ALPI: variants seen among roughly 807,000 people sequenced by gnomAD.
ALPI encodes intestinal-type alkaline phosphatase.
Under a neutral mutation model 51.5 loss-of-function variants are expected in ALPI, and 50 were observed. That is an observed-to-expected ratio of 0.97 (90% confidence interval 0.77 to 1.23). ALPI has a LOEUF of 1.23. Ranked by LOEUF, ALPI falls within the 50% of genes most tolerant of loss-of-function variation. ALPI has a pLI of 0.00. For missense variants in ALPI, 692 were observed against 722.4 expected (o/e 0.96, Z 0.48); for synonymous variants, 322 against 308.2 (o/e 1.04, Z -0.47).
Position 232,458,859 on chromosome 2 carries a change from G to A in ALPI, c.1301-1G>A. 6.2e-7 allele frequency: 1 copy of A among 1,610,104 alleles called. No individual in the cohort carries two copies. Among genetic ancestry groups the A allele is most frequent in the Non-Finnish European group, 8.5e-7 (1 of 1,178,660 alleles). Reference sequence around the variant, plus strand: ...CTGAAGTGCACTCACCCTCCTACCAGGGAGCCCCGATTACCAGCAGCAGGC... The same window carrying A: ...CTGAAGTGCACTCACCCTCCTACCAAGGAGCCCCGATTACCAGCAGCAGGC... On this transcript the variant is annotated splice_acceptor_variant, in intron 10 of 10. Coordinates refer to ENST00000295463, the MANE Select transcript of ALPI (RefSeq NM_001631.5). LOFTEE classifies it high-confidence loss of function.
In ALPI at chr2:232,459,073, C is replaced by T. The variant is rs1487950166; in HGVS notation, c.1514C>T (p.Ala505Val). ...LAPPACTTDAAHPVAASLPLL... is the reference protein window; with the variant it reads ...LAPPACTTDAVHPVAASLPLL... ...CCTCCCGCCTGCACCACCGACGCCG[C>T]GCACCCAGTTGCCGCGTCGCTGCCA... Residue 505 changes from alanine to valine, a missense_variant, in exon 11 of 11, where the codon GCG becomes GTG. Ala to Val is a moderately conservative substitution (Grantham distance 64). Coordinates refer to ENST00000295463, the MANE Select transcript of ALPI (RefSeq NM_001631.5). 9.7e-6 allele frequency: 15 copies of T among 1,545,702 alleles called. No homozygotes were observed. Among genetic ancestry groups the T allele is most frequent in the South Asian group, 4.8e-5 (4 of 84,078 alleles).
In ALPI at chr2:232,460,657, A is replaced by G. The variant is rs1039623997; in HGVS notation, c.*1511A>G. 2.0e-5 allele frequency among the ~76,000 whole-genome samples: 3 copies of G among 152,258 alleles called. No homozygotes were observed. Among genetic ancestry groups the G allele is most frequent in the African/African-American group, 4.8e-5 (2 of 41,472 alleles). On this transcript the variant is annotated 3_prime_UTR_variant, in exon 11 of 11. Coordinates refer to ENST00000295463, the MANE Select transcript of ALPI (RefSeq NM_001631.5). Reference sequence around the variant, plus strand: ...TTATTTGTACATTTACAAAGGTGCAAAAAAGCATCTTGCTTTTGCAAGAAA... The same window carrying G: ...TTATTTGTACATTTACAAAGGTGCAGAAAAGCATCTTGCTTTTGCAAGAAA...
At position 232,457,710 on chromosome 2, in the gene ALPI, C is replaced by T. The variant is rs1411322235; in HGVS notation, c.783+11C>T. Reference sequence around the variant, plus strand: ...CTGGCAAAGCACCAGGTGATGGGGGCTGGTGGGTGTGGGAGGCACGGCAGG... The same window carrying T: ...CTGGCAAAGCACCAGGTGATGGGGGTTGGTGGGTGTGGGAGGCACGGCAGG... On this transcript the variant is annotated intron_variant, in intron 6 of 10. Coordinates refer to ENST00000295463, the MANE Select transcript of ALPI (RefSeq NM_001631.5). The surrounding 1 kb of genome is among the most constrained non-coding windows in gnomAD (Gnocchi z 4.7). 4 of 1,610,936 alleles carry T rather than the reference C, an allele frequency of 2.5e-6. No individual in the cohort carries two copies. The highest frequency in any genetic ancestry group is 3.4e-6 in the Non-Finnish European group (4 of 1,177,922).
At chr2:232,458,569 C>A in intron 9 of ALPI, 63 bp from the exon 10 acceptor site, 1 of 1,562,140 alleles carries the variant, frequency 6.4e-7, no homozygotes, top group Non-Finnish European at 8.8e-7. Flanking sequence ...CGGTGCCTGG[C>A]ACATAGGAGG....
In ALPI at chr2:232,457,264, C is replaced by A; in HGVS notation, c.590C>A (p.Ala197Asp). ...TCAGATGCTGACATGCCTGCCTCAG[C>A]CCGCCAGGAGGGGTGCCAGGACATC... ...WYSDADMPAS[A>D]RQEGCQDIAT... The change falls in exon 5 of 11, where the codon GCC becomes GAC. Residue 197 changes from alanine to aspartate, a missense_variant. Physicochemically the swap from Ala to Asp is moderately radical, Grantham distance 126. Transcript: ENST00000295463. The surrounding 1 kb of genome is among the most constrained non-coding windows in gnomAD (Gnocchi z 4.7). The A allele has an allele frequency of 6.2e-7, 1 of 1,613,390 alleles. No individual in the cohort carries two copies. The highest frequency in any genetic ancestry group is 8.5e-7 in the Non-Finnish European group (1 of 1,179,978).
At position 232,459,970 on chromosome 2, in the gene ALPI, C is replaced by T. The variant is rs1258994357; in HGVS notation, c.*824C>T. On this transcript the variant is annotated 3_prime_UTR_variant, in exon 11 of 11. Coordinates refer to ENST00000295463, the MANE Select transcript of ALPI (RefSeq NM_001631.5). ...TTTCTCAACAAGGAAGACTCCCCTGCCTCCTCAAGGTCTCCATTCTCCTAG... is the reference window on the plus strand; with the variant it reads ...TTTCTCAACAAGGAAGACTCCCCTGTCTCCTCAAGGTCTCCATTCTCCTAG... 1 of 152,270 alleles carries T rather than the reference C, an allele frequency of 6.6e-6. No homozygotes were observed. The highest frequency in any genetic ancestry group is 1.9e-4 in the East Asian group (1 of 5,198). 9.4% of individuals were successfully genotyped at this position (152,270 alleles called of 1,614,324 possible). A position where few individuals can be genotyped will look rare whatever the true frequency, so the allele number is the denominator to read the frequency against.
rs771126600 is a variant in ALPI at position 232,457,231 on chromosome 2, A to G, written c.557A>G (p.Asn186Ser). 9.3e-6 allele frequency: 15 copies of G among 1,613,366 alleles called. No individual in the cohort carries two copies. Among genetic ancestry groups the G allele is most frequent in the South Asian group, 4.4e-5 (4 of 91,080 alleles). ...ACCTACGCACACACAGTGAACCGCA[A>G]CTGGTACTCAGATGCTGACATGCCT... The part of the protein sequence containing the change: ...AGTYAHTVNR[N>S]WYSDADMPAS... Residue 186 changes from asparagine to serine, a missense_variant, in exon 5 of 11, where the codon AAC becomes AGC. By Grantham distance (46) the Asn-to-Ser change is conservative. Transcript: ENST00000295463. This position sits in a 1 kb window ranked among gnomAD's most constrained non-coding sequence, Gnocchi z 4.7.
Position 232,458,228 on chromosome 2 carries a change from G to T in ALPI, c.1003G>T (p.Asp335Tyr), listed in dbSNP as rs754753041. ...TGGCCTTCCTGCAGGCGGCCGCATC[G>T]ACCATGGTCATCATGAGGGTGTGGC... ...FYLFVEGGRI[D>Y]HGHHEGVAYQ... Residue 335 changes from aspartate (D) to tyrosine (Y), a missense_variant, in exon 9 of 11, where the codon GAC (aspartate) becomes TAC (tyrosine). Transcript: ENST00000295463. 7 of 1,614,110 alleles carry T rather than the reference G, an allele frequency of 4.3e-6. No individual in the cohort carries two copies. Among genetic ancestry groups the T allele is most frequent in the Non-Finnish European group, 5.9e-6 (7 of 1,180,018 alleles).
chr2:232,458,323 G>A lies in ALPI; in HGVS notation c.1098G>A (p.Glu366=), dbSNP rs1208168132. ...AGAGGGCGGGCCAGCTCACCAGCGAGGAGGACACGCTGACCCTCGTCACCG... is the reference window on the plus strand; with the variant it reads ...AGAGGGCGGGCCAGCTCACCAGCGAAGAGGACACGCTGACCCTCGTCACCG... ...AIERAGQLTS[E]EDTLTLVTAD... The change falls in exon 9 of 11, where the codon GAG becomes GAA. Residue 366 remains glutamate (E), a synonymous_variant. Transcript: ENST00000295463. 2 of 1,614,052 alleles carry A rather than the reference G, an allele frequency of 1.2e-6. No individual in the cohort carries two copies. The highest frequency in any genetic ancestry group is 2.7e-5 in the African/African-American group (2 of 74,924).
Position 232,458,940 on chromosome 2 carries a change from C to G in ALPI, c.1381C>G (p.Arg461Gly). ...HGGEDVAVFARGPQAHLVHGV... is the reference protein window; with the variant it reads ...HGGEDVAVFAGGPQAHLVHGV... ...AGGCGAAGACGTGGCGGTGTTTGCGCGCGGCCCGCAGGCGCACCTGGTGCA... is the reference window on the plus strand; with the variant it reads ...AGGCGAAGACGTGGCGGTGTTTGCGGGCGGCCCGCAGGCGCACCTGGTGCA... Residue 461 changes from arginine (R) to glycine (G), a missense_variant, in exon 11 of 11, where the codon CGC becomes GGC. By Grantham distance (125) the Arg-to-Gly change is moderately radical. Transcript: ENST00000295463. 6.2e-7 allele frequency: 1 copy of G among 1,605,090 alleles called. No homozygotes were observed. The highest frequency in any genetic ancestry group is 8.5e-7 in the Non-Finnish European group (1 of 1,176,496).
intron 8 of ALPI, 31 bp from the exon 9 acceptor site, chr2:232,458,186 C>T: frequency 4.3e-6 from 7 of 1,613,634 alleles, no homozygotes; most frequent in Non-Finnish European, 5.1e-6. Flanking sequence ...AGGGCAGGTT[C>T]AAGCATCACC....
Position 232,458,750 on chromosome 2 carries a change from T to C in ALPI, c.1300+2T>C, listed in dbSNP as rs368618571. 6 of 1,613,486 alleles carry C rather than the reference T, an allele frequency of 3.7e-6. No individual in the cohort carries two copies. Among genetic ancestry groups the C allele is most frequent in the Admixed American group, 3.3e-5 (2 of 60,010 alleles). ...CAGACGTGAATGAGAGCGAGAGCGGTGAGTGAGGCTGAATGGCCCGTGCAG... is the reference window on the plus strand; with the variant it reads ...CAGACGTGAATGAGAGCGAGAGCGGCGAGTGAGGCTGAATGGCCCGTGCAG... On this transcript the variant is annotated splice_donor_variant, in intron 10 of 10. Coordinates refer to ENST00000295463, the MANE Select transcript of ALPI (RefSeq NM_001631.5). LOFTEE classifies it high-confidence loss of function.
rs558432609 is a variant in ALPI at position 232,457,403 on chromosome 2, T to C, written c.648+81T>C. 119 of 1,556,038 alleles carry C rather than the reference T, an allele frequency of 7.6e-5. 1 individual carries two copies. In the South Asian group the frequency reaches 1.3e-3, roughly 17 times the overall value. ...CAGATCCAGGCAACCAAAAGCCTGA[T>C]CTGGGTCAGCAGGTTCTGGAGGTGG... On this transcript the variant is annotated intron_variant, in intron 5 of 10. Coordinates refer to ENST00000295463, the MANE Select transcript of ALPI (RefSeq NM_001631.5). The surrounding 1 kb of genome is among the most constrained non-coding windows in gnomAD (Gnocchi z 4.7).
Position 232,457,569 on chromosome 2 carries a change from T to A in ALPI, c.653T>A (p.Ile218Asn), listed in dbSNP as rs1690220367. 1 of 1,609,100 alleles carries A rather than the reference T, an allele frequency of 6.2e-7. No individual in the cohort carries two copies. Among genetic ancestry groups the A allele is most frequent in the Non-Finnish European group, 8.5e-7 (1 of 1,177,404 alleles). ...QLISNMDIDVILGGGRKYMFP... is the reference protein window; with the variant it reads ...QLISNMDIDVNLGGGRKYMFP... ...TGCCCCATCCATTGTCCTCAGGTGA[T>A]CCTTGGCGGAGGCCGCAAGTACATG... is the stretch of plus-strand genomic sequence containing the variant. The change falls in exon 6 of 11, where the codon ATC becomes AAC. Residue 218 changes from isoleucine (I) to asparagine (N), a missense_variant. Coordinates refer to ENST00000295463, the MANE Select transcript of ALPI (RefSeq NM_001631.5). The surrounding 1 kb of genome is among the most constrained non-coding windows in gnomAD (Gnocchi z 4.7).
Position 232,458,632 on chromosome 2 carries a change from G to A in ALPI, c.1184G>A (p.Gly395Glu), listed in dbSNP as rs146127892. 1.9e-5 allele frequency: 30 copies of A among 1,613,688 alleles called. No individual in the cohort carries two copies. In the African/African-American group the frequency reaches 3.2e-4, roughly 17 times the overall value. The change falls in exon 10 of 11, where the codon GGG (glycine) becomes GAG (glutamate). Residue 395 changes from glycine (G) to glutamate (E), a missense_variant and splice_region_variant. By Grantham distance (98) the Gly-to-Glu change is moderately conservative. Coordinates refer to ENST00000295463, the MANE Select transcript of ALPI (RefSeq NM_001631.5). ...TACAGGGACCCGCATCTCCCTACAG[G>A]GTTGGCCCCCAGCAAGGCTCAGGAC... ...GYTLRGSSIF[G>E]LAPSKAQDSK...
Position 232,456,936 on chromosome 2 carries a change from C to T in ALPI, c.338C>T (p.Ala113Val). Residue 113 changes from alanine (A) to valine (V), a missense_variant, in exon 4 of 11, where the codon GCC (alanine) becomes GTC (valine). Transcript: ENST00000295463. The surrounding 1 kb of genome is among the most constrained non-coding windows in gnomAD (Gnocchi z 4.2). Reference sequence around the variant, plus strand: ...GACAGACAGGTGCCAGACAGCGCAGCCACAGCCACGGCCTACCTGTGCGGG... The same window carrying T: ...GACAGACAGGTGCCAGACAGCGCAGTCACAGCCACGGCCTACCTGTGCGGG... ...NVDRQVPDSA[A>V]TATAYLCGVK... is the part of the protein sequence containing the mutation. 3 of 1,613,630 alleles carry T rather than the reference C, an allele frequency of 1.9e-6. No homozygotes were observed. Among genetic ancestry groups the T allele is most frequent in the South Asian group, 2.2e-5 (2 of 91,086 alleles).
Position 232,457,329 on chromosome 2 carries a change from C to A in ALPI, c.648+7C>A, listed in dbSNP as rs536291111. 8.1e-6 allele frequency: 13 copies of A among 1,596,308 alleles called. No homozygotes were observed. In the Admixed American group the frequency reaches 8.4e-5, roughly 10 times the overall value. On this transcript the variant is annotated splice_region_variant and intron_variant, in intron 5 of 10. Coordinates refer to ENST00000295463, the MANE Select transcript of ALPI (RefSeq NM_001631.5). This position sits in a 1 kb window ranked among gnomAD's most constrained non-coding sequence, Gnocchi z 4.7. Reference sequence around the variant, plus strand: ...CTCCAACATGGACATTGACGTGCGACCCCCGGGCCAAGGGCTGGGGCTGGG... The same window carrying A: ...CTCCAACATGGACATTGACGTGCGAACCCCGGGCCAAGGGCTGGGGCTGGG...
Position 232,457,753 on chromosome 2 carries a change from G to A in ALPI, c.784-42G>A. The A allele has an allele frequency of 6.2e-7, 1 of 1,612,572 alleles. No individual in the cohort carries two copies. The highest frequency in any genetic ancestry group is 8.5e-7 in the Non-Finnish European group (1 of 1,179,148). ...ACGGCAGGGGGAGGCCAAGTGTGTGGGTCTCAGGGCTGTGGGCTGAAGCCT... is the reference window on the plus strand; with the variant it reads ...ACGGCAGGGGGAGGCCAAGTGTGTGAGTCTCAGGGCTGTGGGCTGAAGCCT... On this transcript the variant is annotated intron_variant, in intron 6 of 10. Transcript: ENST00000295463. This position sits in a 1 kb window ranked among gnomAD's most constrained non-coding sequence, Gnocchi z 4.7.
rs1379630507 is a variant in ALPI, at chr2:232,457,933, T to C, written c.857-65T>C. The stretch of plus-strand genomic sequence containing the variant: ...TCAGAGGGTGCCATCCGAGCCTGTG[T>C]GCCCATTTGCCAGCACCCTCCCGCT... On this transcript the variant is annotated intron_variant, in intron 7 of 10. Coordinates refer to ENST00000295463, the MANE Select transcript of ALPI (RefSeq NM_001631.5). This position sits in a 1 kb window ranked among gnomAD's most constrained non-coding sequence, Gnocchi z 4.7. 1.2e-6 allele frequency: 2 copies of C among 1,611,862 alleles called. No homozygotes were observed. The highest frequency in any genetic ancestry group is 2.7e-5 in the African/African-American group (2 of 74,784).
Sources: gnomAD v4.1 joint callset for allele counts (sites outside exome capture counted in the v4.1 genomes callset) on GRCh38, gnomAD v4.1.1 for gene constraint, Gnocchi (gnomAD v3.1) non-coding constraint, MANE v1.5 for transcripts, NCBI Gene and HGNC (gene_info 2026-07-23, HGNC 2026-07-21) for gene names.